Variants in INPP4B observed in about 807,000 individuals in gnomAD.
INPP4B encodes inositol polyphosphate-4-phosphatase type II B, also known as inositol polyphosphate 4-phosphatase type II.
A neutral mutation model predicts 122.5 loss-of-function variants in INPP4B; 55 were observed. The observed-to-expected ratio is 0.45, with a 90% CI of 0.36 to 0.56. The LOEUF is 0.56. Ranked by LOEUF, INPP4B falls within the 20% of genes least tolerant of loss-of-function variation. INPP4B has a pLI of 0.00. For missense variants in INPP4B, 1,000 were observed against 1,097.7 expected (o/e 0.91, Z 1.26); for synonymous variants, 403 against 388.7 (o/e 1.04, Z -0.43).
chr4:142,115,546 A>G (rs1792764196), intron 21 of INPP4B, among the ~76,000 whole-genome samples: 1 of 152,218 alleles, frequency 6.6e-6, no homozygotes. Flanking sequence ...CCAGAATTTC[A>G]TATCCAGCCA....
At chr4:142,328,089 A>G (rs1439850643) in intron 7 of INPP4B, among the ~76,000 whole-genome samples, 1 of 152,130 alleles carries the variant, frequency 6.6e-6, no homozygotes, top group Non-Finnish European at 1.5e-5. Context: ...TCTCTAAGAA[A>G]CACTGTTTTG....
At chr4:142,614,000 G>A (rs1240742857) in intron 2 of INPP4B, among the ~76,000 whole-genome samples, 2 of 152,170 alleles carry the variant, frequency 1.3e-5, no homozygotes, top group Non-Finnish European at 2.9e-5. Context: ...AGTGGTGATG[G>A]TTATAGGAAC....
Position 142,487,903 on chromosome 4 carries a change from C to A in INPP4B, c.-190-25177G>T, listed in dbSNP as rs182415978. ...ACTTATTCCTTTGGAATTGTGATGG[C>A]TTTTACTTCTTTTTCTCATCTTTTT... On this transcript the variant is annotated intron_variant, in intron 2 of 25. Transcript: ENST00000262992. 2.6e-3 allele frequency among the ~76,000 whole-genome samples: 394 copies of A among 152,134 alleles called. 3 individuals carry two copies. Among genetic ancestry groups the A allele is most frequent in the Non-Finnish European group, 1.6e-3 (111 of 67,958 alleles).
At chr4:142,825,319 G>C (rs760281942) in intron 1 of INPP4B, among the ~76,000 whole-genome samples, 72 of 152,064 alleles carry the variant, frequency 4.7e-4, no homozygotes, top group Non-Finnish European at 9.7e-4. Context: ...TGTTTTAGAT[G>C]CTAAATCACA....
chr4:142,462,949 C>G (rs980502040), intron 2 of INPP4B, among the ~76,000 whole-genome samples: 18 of 152,188 alleles, frequency 1.2e-4, no homozygotes, highest in Admixed American at 1.2e-3. Flanking sequence ...TAAATTATAG[C>G]TGATCCTTGT....
chr4:142,621,610 ACT>A (rs1205948589), intron 2 of INPP4B, among the ~76,000 whole-genome samples: 1 of 151,910 alleles, frequency 6.6e-6, no homozygotes, highest in Non-Finnish European at 1.5e-5. Context: ...CTCTCTTCTC[ACT>A]CTGAGAGATT....
At chr4:142,457,093 G>A (rs775762609) in intron 3 of INPP4B, among the ~76,000 whole-genome samples, 2 of 151,842 alleles carry the variant, frequency 1.3e-5, no homozygotes, top group Non-Finnish European at 2.9e-5. Flanking sequence ...GAATATCCAT[G>A]TGCAAAAGAA....
At chr4:142,359,836 T>C (rs1330443632) in intron 7 of INPP4B, among the ~76,000 whole-genome samples, 1 of 151,976 alleles carries the variant, frequency 6.6e-6, no homozygotes, top group Admixed American at 6.6e-5. Flanking sequence ...AATAACCTTT[T>C]TGGGCAGGAA....
At chr4:142,686,630 CA>C (rs1252651197) in intron 2 of INPP4B, among the ~76,000 whole-genome samples, 1 of 152,106 alleles carries the variant, frequency 6.6e-6, no homozygotes, top group Admixed American at 6.6e-5. Flanking sequence ...TGAACTTGAA[CA>C]TCACTACTAA....
In INPP4B at chr4:142,242,555, A is replaced by G. The variant is rs570377463; in HGVS notation, c.689-4544T>C. Among the ~76,000 whole-genome samples the G allele has an allele frequency of 2.6e-5, 4 of 152,266 alleles. No individual in the cohort carries two copies. In the East Asian group the frequency reaches 7.7e-4, roughly 29 times the overall value. ...GATACAACTTGTAAAGCTAGAAGCT[A>G]GCTTCTATTTCATGCTGAAAAAACC... On this transcript the variant is annotated intron_variant, in intron 11 of 25. Transcript: ENST00000262992.
chr4:142,506,126 A>G (rs1044361238), intron 2 of INPP4B, among the ~76,000 whole-genome samples: 2 of 152,192 alleles, frequency 1.3e-5, no homozygotes, highest in Non-Finnish European at 2.9e-5. Flanking sequence ...TTGTCTAATA[A>G]AGCTGGCTGC....
At chr4:142,515,275 T>C (rs1056764536) in intron 2 of INPP4B, among the ~76,000 whole-genome samples, 17 of 152,138 alleles carry the variant, frequency 1.1e-4, no homozygotes, top group African/African-American at 3.9e-4. Context: ...TTGTTTAACA[T>C]GGGATGTGGG....
At chr4:142,466,384 G>C (rs1817786998) in intron 2 of INPP4B, among the ~76,000 whole-genome samples, 1 of 152,180 alleles carries the variant, frequency 6.6e-6, no homozygotes, top group African/African-American at 2.4e-5. Flanking sequence ...GTGGAAATTT[G>C]AACTTTAAGA....
At chr4:142,289,506 GCTATTCTTC>G (rs1472123237) in intron 9 of INPP4B, among the ~76,000 whole-genome samples, 1 of 152,156 alleles carries the variant, frequency 6.6e-6, no homozygotes, top group African/African-American at 2.4e-5. Flanking sequence ...GCATCCACAA[GCTATTCTTC>G]CTTATCCTCT....
chr4:142,033,842 T>A (rs1230487755), intron 25 of INPP4B, among the ~76,000 whole-genome samples: 1 of 28,968 alleles, frequency 3.5e-5, no homozygotes, highest in African/African-American at 5.7e-5. Context: ...TTTTTGTGTT[T>A]TTTTAATAGA....
intron 9 of INPP4B, among the ~76,000 whole-genome samples, chr4:142,274,535 A>T: frequency 6.6e-6 from 1 of 151,880 alleles, no homozygotes; most frequent in East Asian, 1.9e-4. Context: ...CAAATGTATG[A>T]CAAATCTGGA....
At chr4:142,718,501 G>T (rs1764099932) in intron 2 of INPP4B, among the ~76,000 whole-genome samples, 1 of 152,134 alleles carries the variant, frequency 6.6e-6, no homozygotes, top group Non-Finnish European at 1.5e-5. Flanking sequence ...GACTATTCTA[G>T]ATCAAGCAAA....
At chr4:142,819,761 C>T (rs1400281790) in intron 1 of INPP4B, among the ~76,000 whole-genome samples, 1 of 152,054 alleles carries the variant, frequency 6.6e-6, no homozygotes, top group Non-Finnish European at 1.5e-5. Flanking sequence ...GGGGCCACCT[C>T]ACCAGGGAAG....
At chr4:142,720,315 A>C (rs1764352694) in intron 2 of INPP4B, among the ~76,000 whole-genome samples, 1 of 152,164 alleles carries the variant, frequency 6.6e-6, no homozygotes, top group Non-Finnish European at 1.5e-5. Flanking sequence ...TTAGCAAATT[A>C]AGGTCACAGG....
Sources: allele counts gnomAD v4.1 joint callset (sites outside exome capture counted in the v4.1 genomes callset), GRCh38; gene constraint gnomAD v4.1.1; transcripts MANE v1.5; gene names NCBI Gene and HGNC (gene_info 2026-07-23, HGNC 2026-07-21).